SOX6: variants seen among roughly 807,000 people sequenced by gnomAD.
SOX6 encodes the protein SRY-box transcription factor 6.
In SOX6, 11 loss-of-function variants were observed where a neutral mutation model predicts 97.8. The ratio of observed to expected loss-of-function variants is 0.11; its 90% confidence interval spans 0.07 to 0.19. SOX6 has a LOEUF of 0.19. Among genes scored for constraint, SOX6 ranks in the 10% least tolerant of loss-of-function variants. The pLI is 1.00. For synonymous variants in SOX6, 360 were observed against 371.4 expected (o/e 0.97, Z 0.35); for missense variants, 810 against 1,039.5 (o/e 0.78, Z 3.04).
chr11:16,096,151 AG>A, intron 8 of SOX6, 33 bp from the exon 9 acceptor site: 1 of 1,599,590 alleles, frequency 6.3e-7, no homozygotes. Flanking sequence ...AAAAAAAAAA[AG>A]ACAAAACATA....
intron 3 of SOX6, chr11:16,311,856 A>G (rs1398523133): frequency 6.6e-6 from 1 of 152,210 alleles, no homozygotes; most frequent in African/African-American, 2.4e-5. Flanking sequence ...AACACAACTT[A>G]TAAGCAAAGT....
At chr11:16,137,379 T>C (rs1049348736) in intron 6 of SOX6, among the ~76,000 whole-genome samples, 2 of 152,052 alleles carry the variant, frequency 1.3e-5, no homozygotes, top group African/African-American at 4.8e-5. Context: ...TGAGCTGAGA[T>C]CACACCACTG....
chr11:16,570,309 T>C (rs1029024889), intron 4 of SOX6, among the ~76,000 whole-genome samples: 1 of 152,094 alleles, frequency 6.6e-6, no homozygotes, highest in East Asian at 1.9e-4. Context: ...AGCTAATAAA[T>C]ATTTGTTGAC....
At chr11:16,085,788 A>G (rs1848565015) in intron 9 of SOX6, among the ~76,000 whole-genome samples, 1 of 152,232 alleles carries the variant, frequency 6.6e-6, no homozygotes, top group Non-Finnish European at 1.5e-5. Flanking sequence ...GCAAAGCAAC[A>G]TAATGTGACA....
At chr11:16,644,037 C>T (rs565270889) in intron 3 of SOX6, among the ~76,000 whole-genome samples, 21 of 152,130 alleles carry the variant, frequency 1.4e-4, no homozygotes, top group East Asian at 3.9e-4. Context: ...TGTTCCTATT[C>T]GGCCATCTTG....
At chr11:16,060,687 T>C (rs956551538) in intron 9 of SOX6, among the ~76,000 whole-genome samples, 1 of 151,862 alleles carries the variant, frequency 6.6e-6, no homozygotes, top group Non-Finnish European at 1.5e-5. Context: ...CCCTCTAAAC[T>C]AACATCAGTT....
chr11:16,650,026 T>C (rs116767815), intron 3 of SOX6, among the ~76,000 whole-genome samples: 2,280 of 152,012 alleles, frequency 0.015, 54 homozygotes, highest in African/African-American at 0.05. Context: ...AACAACAGTA[T>C]AAAAAGACAA....
intron 6 of SOX6, among the ~76,000 whole-genome samples, chr11:16,168,605 G>A (rs577611625): frequency 6.6e-6 from 1 of 152,170 alleles, no homozygotes; most frequent in East Asian, 1.9e-4. Flanking sequence ...AGGATGCTAA[G>A]GAAAAGCACC....
At chr11:16,035,645 T>C (rs1193875502) in intron 12 of SOX6, among the ~76,000 whole-genome samples, 1 of 152,206 alleles carries the variant, frequency 6.6e-6, no homozygotes, top group Non-Finnish European at 1.5e-5. Context: ...GAAAATTGTG[T>C]TACTGGCATC....
chr11:16,165,131 C>G (rs950709822), intron 6 of SOX6, among the ~76,000 whole-genome samples: 1 of 152,122 alleles, frequency 6.6e-6, no homozygotes, highest in Non-Finnish European at 1.5e-5. Context: ...TTGGTATTTG[C>G]AAGCCACAAA....
At chr11:16,497,942 A>G (rs942843854) in intron 4 of SOX6, among the ~76,000 whole-genome samples, 2 of 152,218 alleles carry the variant, frequency 1.3e-5, no homozygotes, top group African/African-American at 4.8e-5. Context: ...GCAGGCCAAC[A>G]TTCACATTCA....
chr11:16,342,735 G>A (rs772589052), intron 1 of SOX6, among the ~76,000 whole-genome samples: 11 of 151,824 alleles, frequency 7.2e-5, no homozygotes, highest in Non-Finnish European at 2.9e-5. Context: ...CAATTAATGA[G>A]GGGGCTCAGA....
chr11:16,582,908 G>C (rs1307727669), intron 4 of SOX6, among the ~76,000 whole-genome samples: 1 of 151,926 alleles, frequency 6.6e-6, no homozygotes, highest in African/African-American at 2.4e-5. Flanking sequence ...TTATTCCAGA[G>C]CATAGACAAA....
intron 4 of SOX6, among the ~76,000 whole-genome samples, chr11:16,581,081 C>A (rs1301507186): frequency 6.6e-6 from 1 of 152,106 alleles, no homozygotes; most frequent in African/African-American, 2.4e-5. Context: ...TTTGACCCAA[C>A]AATCCCATTA....
intron 9 of SOX6, among the ~76,000 whole-genome samples, chr11:16,080,962 GC>G (rs1406314170): frequency 6.6e-6 from 1 of 152,006 alleles, no homozygotes; most frequent in Admixed American, 6.6e-5. Flanking sequence ...GGTGACTCAA[GC>G]CTGTAATTTC....
chr11:16,228,129 C>G (rs892918617), intron 4 of SOX6, among the ~76,000 whole-genome samples: 1 of 151,066 alleles, frequency 6.6e-6, no homozygotes, highest in Admixed American at 6.6e-5. Context: ...ACCCGGGAGG[C>G]AGAGGTTGCA....
chr11:16,308,191 G>A (rs1221454941), intron 3 of SOX6, among the ~76,000 whole-genome samples: 1 of 152,116 alleles, frequency 6.6e-6, no homozygotes, highest in Non-Finnish European at 1.5e-5. Context: ...ACATCAGAAA[G>A]AAGAAATTGG....
chr11:16,043,544 C>T (rs1335580643), intron 12 of SOX6, among the ~76,000 whole-genome samples: 1 of 152,126 alleles, frequency 6.6e-6, no homozygotes, highest in African/African-American at 2.4e-5. Context: ...TACAGTGAGA[C>T]CCATCATGAG....
intron 3 of SOX6, among the ~76,000 whole-genome samples, chr11:16,276,709 C>A (rs2134237083): frequency 6.6e-6 from 1 of 152,320 alleles, no homozygotes; most frequent in African/African-American, 2.4e-5. Flanking sequence ...GTACCCATAC[C>A]AGAAACCACT....
Sources: allele counts gnomAD v4.1 joint callset (sites outside exome capture counted in the v4.1 genomes callset), GRCh38; gene constraint gnomAD v4.1.1; transcripts MANE v1.5; gene names NCBI Gene and HGNC (gene_info 2026-07-23, HGNC 2026-07-21).